PMS1: variants seen among roughly 807,000 people sequenced by gnomAD.
The protein encoded by PMS1 is PMS1 homolog 1, mismatch repair system component.
In PMS1, 79 loss-of-function variants were observed where a neutral mutation model predicts 93.1. That is an observed-to-expected ratio of 0.85 (90% CI 0.71 to 1.02). The LOEUF is 1.02. PMS1 is among the 50% of genes least tolerant of loss of function. The pLI is 0.00. For synonymous variants in PMS1, 335 were observed against 363.4 expected (o/e 0.92, Z 0.89); for missense variants, 1,064 against 1,085.3 (o/e 0.98, Z 0.28).
At chr2:189,867,975 T>G in intron 11 of PMS1, 46 bp downstream of exon 11, 2 of 1,500,446 alleles carry the variant, frequency 1.3e-6, no homozygotes, top group South Asian at 2.3e-5. Flanking sequence ...AAAATTAGTC[T>G]TGTTCCAAGA....
intron 5 of PMS1, among the ~76,000 whole-genome samples, chr2:189,833,457 C>T (rs1208904425): frequency 6.6e-6 from 1 of 152,134 alleles, no homozygotes; most frequent in Non-Finnish European, 1.5e-5. Context: ...TGGCACGCGC[C>T]TGTAGTCCCA....
At chr2:189,829,817 T>C (rs890036126) in intron 5 of PMS1, among the ~76,000 whole-genome samples, 3 of 152,206 alleles carry the variant, frequency 2.0e-5, no homozygotes, top group Admixed American at 6.5e-5. Context: ...ATCTTTAAAA[T>C]ATATCCAGAA....
Position 189,877,427 on chromosome 2 carries a change from A to G in PMS1, c.2790A>G (p.Glu930=). The G allele has an allele frequency of 1.2e-6, 2 of 1,608,416 alleles. No individual in the cohort carries two copies. Among genetic ancestry groups the G allele is most frequent in the Non-Finnish European group, 1.7e-6 (2 of 1,174,894 alleles). ...TTCATCATTTAACCTATCTTCCAGAAACTACATGATTAAATATGTTTAAGA... is the reference window on the plus strand; with the variant it reads ...TTCATCATTTAACCTATCTTCCAGAGACTACATGATTAAATATGTTTAAGA... ...PFFHHLTYLP[E]TT Residue 930 remains glutamate, a synonymous_variant, in exon 13 of 13, where the codon GAA becomes GAG. Transcript: ENST00000441310.
intron 3 of PMS1, 21 bp downstream of exon 3, chr2:189,795,972 A>T: frequency 6.8e-7 from 1 of 1,471,532 alleles, no homozygotes; most frequent in Non-Finnish European, 9.5e-7. Flanking sequence ...TATATTGGTT[A>T]TTTTAGTGAT....
intron 5 of PMS1, among the ~76,000 whole-genome samples, chr2:189,825,476 C>T (rs1179455131): frequency 6.6e-6 from 1 of 152,136 alleles, no homozygotes; most frequent in Non-Finnish European, 1.5e-5. Flanking sequence ...TCTGAAACCA[C>T]TTTAGTATTC....
chr2:189,830,939 A>AG (rs2052879291), intron 5 of PMS1, among the ~76,000 whole-genome samples: 1 of 152,214 alleles, frequency 6.6e-6, no homozygotes, highest in Non-Finnish European at 1.5e-5. Flanking sequence ...CCAAAAAGGG[A>AG]GGGGTGAGCC....
At chr2:189,790,345 A>T (rs745726456) in intron 1 of PMS1, among the ~76,000 whole-genome samples, 3 of 152,202 alleles carry the variant, frequency 2.0e-5, no homozygotes, top group Non-Finnish European at 4.4e-5. Flanking sequence ...ATTCTCAGCC[A>T]ACATTACACT....
At chr2:189,788,401 T>C (rs2048555699) in intron 1 of PMS1, among the ~76,000 whole-genome samples, 1 of 152,240 alleles carries the variant, frequency 6.6e-6, no homozygotes, top group Non-Finnish European at 1.5e-5. Context: ...ACTACTTTAT[T>C]TACTTCTCAC....
Position 189,864,156 on chromosome 2 carries a change from T to C in PMS1, c.2270T>C (p.Leu757Pro), listed in dbSNP as rs761048343. ...LNPYRVEEALLFKRLLENHKL... is the reference protein window; with the variant it reads ...LNPYRVEEALPFKRLLENHKL... ...CCATATAGAGTAGAAGAAGCCCTGC[T>C]ATTTAAAAGACTTCTTGAGAATCAT... is the stretch of plus-strand genomic sequence containing the variant. Residue 757 changes from leucine (L) to proline (P), a missense_variant, in exon 10 of 13, where the codon CTA (leucine) becomes CCA (proline). Leu to Pro is a moderately conservative substitution (Grantham distance 98). Transcript: ENST00000441310. The C allele has an allele frequency of 6.2e-7, 1 of 1,610,032 alleles. No homozygotes were observed. Among genetic ancestry groups the C allele is most frequent in the Non-Finnish European group, 8.5e-7 (1 of 1,176,594 alleles).
At chr2:189,842,089 T>A (rs1575220302) in intron 5 of PMS1, among the ~76,000 whole-genome samples, 1 of 151,504 alleles carries the variant, frequency 6.6e-6, no homozygotes, top group African/African-American at 2.4e-5. Context: ...TCCTTTTTTT[T>A]ATATCCTCCC....
At chr2:189,823,159 CAAA>C (rs1457578351) in intron 5 of PMS1, among the ~76,000 whole-genome samples, 1 of 151,946 alleles carries the variant, frequency 6.6e-6, no homozygotes, top group Admixed American at 6.6e-5. Flanking sequence ...TCTTTAAAAA[CAAA>C]TACCCCGTTA....
At chr2:189,839,595 CA>C (rs2053657573) in intron 5 of PMS1, among the ~76,000 whole-genome samples, 3 of 152,202 alleles carry the variant, frequency 2.0e-5, no homozygotes, top group African/African-American at 7.2e-5. Context: ...GTCTTAGAGA[CA>C]AACTCCTGTC....
Position 189,877,490 on chromosome 2 carries a change from A to C in PMS1, c.*54A>C. On this transcript the variant is annotated 3_prime_UTR_variant, in exon 13 of 13. Coordinates refer to ENST00000441310, the MANE Select transcript of PMS1 (RefSeq NM_000534.5). Reference sequence around the variant, plus strand: ...ATTGAAATTGGTTCTGTCATAAAACAGCATGAGTCTGGTTTTAAATTATCT... The same window carrying C: ...ATTGAAATTGGTTCTGTCATAAAACCGCATGAGTCTGGTTTTAAATTATCT... 8.3e-7 allele frequency: 1 copy of C among 1,200,724 alleles called. No homozygotes were observed. Among genetic ancestry groups the C allele is most frequent in the Non-Finnish European group, 1.2e-6 (1 of 811,586 alleles). 74.4% of individuals were successfully genotyped at this position (1,200,724 alleles called of 1,614,324 possible).
chr2:189,820,137 G>A (rs887802728), intron 5 of PMS1, among the ~76,000 whole-genome samples: 22 of 152,142 alleles, frequency 1.4e-4, no homozygotes, highest in African/African-American at 5.1e-4. Flanking sequence ...AATCCTCACA[G>A]CAACAACCAA....
At chr2:189,821,541 G>C (rs536642192) in intron 5 of PMS1, among the ~76,000 whole-genome samples, 33 of 152,144 alleles carry the variant, frequency 2.2e-4, no homozygotes, top group African/African-American at 7.9e-4. Flanking sequence ...GGGTCCGGTG[G>C]CTCACACCTG....
intron 1 of PMS1, among the ~76,000 whole-genome samples, chr2:189,786,685 T>G (rs775431573): frequency 3.3e-5 from 5 of 152,172 alleles, no homozygotes; most frequent in Admixed American, 1.3e-4. Flanking sequence ...GTTGTGAGGA[T>G]TAAATAGGAT....
chr2:189,813,380 C>CTT (rs1239020528), intron 4 of PMS1, among the ~76,000 whole-genome samples: 2 of 152,180 alleles, frequency 1.3e-5, no homozygotes, highest in Non-Finnish European at 2.9e-5. Context: ...GTCTATAAAA[C>CTT]TTAAAAGAGT....
At chr2:189,816,360 ATAGT>A (rs554729259) in intron 4 of PMS1, among the ~76,000 whole-genome samples, 7 of 151,552 alleles carry the variant, frequency 4.6e-5, no homozygotes, top group Non-Finnish European at 7.4e-5. Flanking sequence ...TTTCTTCTTA[ATAGT>A]TAGTAAATTG....
At position 189,855,213 on chromosome 2, in the gene PMS1, C is replaced by A. The variant is rs1265486789; in HGVS notation, c.1856+85C>A. 2.6e-6 allele frequency: 3 copies of A among 1,148,902 alleles called. No homozygotes were observed. In the African/African-American group the frequency reaches 4.6e-5, roughly 18 times the overall value. The allele number at this position is 1,148,902 out of a possible 1,614,324, so 71.2% of individuals were successfully genotyped here. On this transcript the variant is annotated intron_variant, in intron 9 of 12. Coordinates refer to ENST00000441310, the MANE Select transcript of PMS1 (RefSeq NM_000534.5). ...CACTGTTTAAAAAGAATTTTTTTCACTTCTTATTTATGGAAAAGCAGATCA... is the reference window on the plus strand; with the variant it reads ...CACTGTTTAAAAAGAATTTTTTTCAATTCTTATTTATGGAAAAGCAGATCA...
Sources: allele counts gnomAD v4.1 joint callset (sites outside exome capture counted in the v4.1 genomes callset), GRCh38; gene constraint gnomAD v4.1.1; transcripts MANE v1.5; gene names NCBI Gene and HGNC (gene_info 2026-07-23, HGNC 2026-07-21).